TRIM38: variants seen among roughly 807,000 people sequenced by gnomAD.
TRIM38 encodes the protein E3 ubiquitin-protein ligase TRIM38.
In TRIM38, 35 loss-of-function variants were observed where a neutral mutation model predicts 35.8. The observed-to-expected ratio is 0.98, with a 90% confidence interval of 0.75 to 1.30. TRIM38 has a LOEUF of 1.30. TRIM38 is among the 50% of genes most tolerant of loss of function. TRIM38 has a pLI of 0.00. For synonymous variants in TRIM38, 198 were observed against 204.7 expected (o/e 0.97, Z 0.28); for missense variants, 545 against 556.9 (o/e 0.98, Z 0.21).
intron 7 of TRIM38, chr6:25,973,612 A>G (rs1760305482): frequency 1.0e-6 from 1 of 979,570 alleles, no homozygotes; most frequent in Non-Finnish European, 1.2e-6. Context: ...TAAATGCATC[A>G]ACATGTACAA....
rs1561906506 is a variant in TRIM38, at chr6:25,988,480, C to CTTTTTT, written c.*4794_*4799dup. 1.4e-5 allele frequency: 1 copy of CTTTTTT among 73,856 alleles called. No homozygotes were observed. The highest frequency in any genetic ancestry group is 5.6e-5 in the African/African-American group (1 of 17,832). The allele number at this position is 73,856 out of a possible 1,614,324, so 4.6% of individuals were successfully genotyped here. A position where few individuals can be genotyped will look rare whatever the true frequency, so the allele number is the denominator to read the frequency against. ...GATCGTTTCTTTTCTTTTTCTTTTT[C>CTTTTTT]TTTTTTCTTTTCTTTCTTTTTTTTT... On this transcript the variant is annotated 3_prime_UTR_variant, in exon 8 of 8. Coordinates refer to ENST00000357085, the MANE Select transcript of TRIM38 (RefSeq NM_006355.5).
intron 2 of TRIM38, among the ~76,000 whole-genome samples, chr6:25,964,904 G>A (rs1356368297): frequency 4.0e-5 from 6 of 151,170 alleles, no homozygotes; most frequent in Admixed American, 1.3e-4. Context: ...CTCCCCCTCC[G>A]GAGCTCAAGT....
Position 25,966,419 on chromosome 6 carries a change from C to A in TRIM38, c.-104C>A. 8.2e-7 allele frequency: 1 copy of A among 1,226,292 alleles called. No individual in the cohort carries two copies. Among genetic ancestry groups the A allele is most frequent in the Non-Finnish European group, 1.1e-6 (1 of 905,974 alleles). 76.0% of individuals were successfully genotyped at this position (1,226,292 alleles called of 1,614,324 possible). ...CTATGGAAGTCAGTTGCAGCCAGCT[C>A]ATCACATAGAGGTGCAGGTGAGGTG... On this transcript the variant is annotated 5_prime_UTR_variant, in exon 3 of 8. Transcript: ENST00000357085.
chr6:25,990,333 G>A lies in TRIM38; in HGVS notation c.*6646G>A, dbSNP rs1760805710. 1 of 152,166 alleles carries A rather than the reference G, an allele frequency of 6.6e-6. No homozygotes were observed. Among genetic ancestry groups the A allele is most frequent in the Admixed American group, 6.5e-5 (1 of 15,268 alleles). 9.4% of individuals were successfully genotyped at this position (152,166 alleles called of 1,614,324 possible). On this transcript the variant is annotated 3_prime_UTR_variant, in exon 8 of 8. Coordinates refer to ENST00000357085, the MANE Select transcript of TRIM38 (RefSeq NM_006355.5). ...GTTTGTCCATATGTATATTGACACA[G>A]GGTCTTGCTCTGTTGCCCAGACTGG... is the stretch of plus-strand genomic sequence containing the variant.
At chr6:25,974,673 G>A (rs939112032) in intron 7 of TRIM38, among the ~76,000 whole-genome samples, 1 of 152,200 alleles carries the variant, frequency 6.6e-6, no homozygotes, top group East Asian at 1.9e-4. Flanking sequence ...ATGTTTTGCT[G>A]CAGATATATT....
intron 7 of TRIM38, chr6:25,973,535 A>C: frequency 1.0e-6 from 1 of 982,270 alleles, no homozygotes; most frequent in Non-Finnish European, 1.2e-6. Flanking sequence ...ACTCCAAGTG[A>C]CTTGGTTTCC....
Position 25,984,566 on chromosome 6 carries a change from G to A in TRIM38, c.*879G>A, listed in dbSNP as rs1256796545. On this transcript the variant is annotated 3_prime_UTR_variant, in exon 8 of 8. Coordinates refer to ENST00000357085, the MANE Select transcript of TRIM38 (RefSeq NM_006355.5). ...ATAAAAAGTCACAAAATTGCTAAAT[G>A]TTATAATTTAGAGTTGACATAAAAA... 1 of 152,204 alleles carries A rather than the reference G, an allele frequency of 6.6e-6. No individual in the cohort carries two copies. Among genetic ancestry groups the A allele is most frequent in the Non-Finnish European group, 1.5e-5 (1 of 68,036 alleles). 9.4% of individuals were successfully genotyped at this position (152,204 alleles called of 1,614,324 possible).
intron 7 of TRIM38, among the ~76,000 whole-genome samples, chr6:25,979,117 ATATATG>A (rs1760478736): frequency 6.6e-6 from 1 of 151,972 alleles, no homozygotes; most frequent in Non-Finnish European, 1.5e-5. Context: ...TATACATATT[ATATATG>A]TATATGTTAA....
chr6:25,990,705 A>T lies in TRIM38; in HGVS notation c.*7018A>T, dbSNP rs1760812759. 6.6e-6 allele frequency: 1 copy of T among 151,424 alleles called. No homozygotes were observed. Among genetic ancestry groups the T allele is most frequent in the Admixed American group, 6.6e-5 (1 of 15,232 alleles). The allele number at this position is 151,424 out of a possible 1,614,324, so 9.4% of individuals were successfully genotyped here. Reference sequence around the variant, plus strand: ...AAATGTTAAATAGGTTTTATTAAATAATTAAATAAAAATGAAAATAATCAG... The same window carrying T: ...AAATGTTAAATAGGTTTTATTAAATTATTAAATAAAAATGAAAATAATCAG... On this transcript the variant is annotated 3_prime_UTR_variant, in exon 8 of 8. Coordinates refer to ENST00000357085, the MANE Select transcript of TRIM38 (RefSeq NM_006355.5).
chr6:25,966,423 A>G lies in TRIM38; in HGVS notation c.-100A>G, dbSNP rs530886863. 1 of 1,274,436 alleles carries G rather than the reference A, an allele frequency of 7.8e-7. No individual in the cohort carries two copies. Among genetic ancestry groups the G allele is most frequent in the Non-Finnish European group, 1.1e-6 (1 of 946,800 alleles). The allele number at this position is 1,274,436 out of a possible 1,614,324, so 78.9% of individuals were successfully genotyped here. On this transcript the variant is annotated 5_prime_UTR_variant, in exon 3 of 8. Transcript: ENST00000357085. The stretch of plus-strand genomic sequence containing the variant: ...GGAAGTCAGTTGCAGCCAGCTCATC[A>G]CATAGAGGTGCAGGTGAGGTGTATT...
chr6:25,974,352 C>T (rs909378909), intron 7 of TRIM38, among the ~76,000 whole-genome samples: 4 of 152,172 alleles, frequency 2.6e-5, no homozygotes, highest in Admixed American at 6.5e-5. Flanking sequence ...TCTAACATGG[C>T]CAGTTATTTC....
Position 25,971,901 on chromosome 6 carries a change from G to C in TRIM38, c.540G>C (p.Arg180=). ...EKVQIQRQKI[R]SDFKNLQCFL... is the part of the protein sequence containing the mutation. ...TACAGATTCAGAGACAAAAAATCCG[G>C]TCTGACTTTAAGAATCTCCAGTGTT... Residue 180 remains arginine, a synonymous_variant, in exon 5 of 8, where the codon CGG becomes CGC. Transcript: ENST00000357085. 1 of 1,614,136 alleles carries C rather than the reference G, an allele frequency of 6.2e-7. No homozygotes were observed. The highest frequency in any genetic ancestry group is 8.5e-7 in the Non-Finnish European group (1 of 1,180,000).
chr6:25,964,957 G>A (rs1387631151), intron 2 of TRIM38, among the ~76,000 whole-genome samples: 2 of 151,966 alleles, frequency 1.3e-5, no homozygotes, highest in East Asian at 3.9e-4. Context: ...GATTACAGGT[G>A]TGCACCACCA....
At chr6:25,976,384 C>T (rs1310942088) in intron 7 of TRIM38, among the ~76,000 whole-genome samples, 1 of 152,216 alleles carries the variant, frequency 6.6e-6, no homozygotes, top group African/African-American at 2.4e-5. Context: ...CCTCCCACGT[C>T]AGCTTCCCCA....
chr6:25,986,027 C>G lies in TRIM38; in HGVS notation c.*2340C>G, dbSNP rs773339493. The G allele has an allele frequency of 4.6e-5, 7 of 151,886 alleles. No individual in the cohort carries two copies. The highest frequency in any genetic ancestry group is 1.0e-4 in the Non-Finnish European group (7 of 67,964). The allele number at this position is 151,886 out of a possible 1,614,324, so 9.4% of individuals were successfully genotyped here. On this transcript the variant is annotated 3_prime_UTR_variant, in exon 8 of 8. Coordinates refer to ENST00000357085, the MANE Select transcript of TRIM38 (RefSeq NM_006355.5). ...GGAAAGTTATGGAAAGAATATAAGT[C>G]CTGCTAGATAAATCATTAGCTATTT...
chr6:25,975,514 T>C, intron 7 of TRIM38: 1 of 742,552 alleles, frequency 1.3e-6, no homozygotes, highest in Non-Finnish European at 1.6e-6. Flanking sequence ...ATTACAAAAG[T>C]GATAGGAATA....
chr6:25,974,878 G>A (rs1760344038), intron 7 of TRIM38: 1 of 985,182 alleles, frequency 1.0e-6, no homozygotes, highest in East Asian at 1.1e-4. Context: ...AAACCCAAAA[G>A]CACTCTGTAT....
intron 3 of TRIM38, among the ~76,000 whole-genome samples, chr6:25,967,877 A>G (rs141976448): frequency 1.3e-5 from 2 of 152,126 alleles, no homozygotes; most frequent in African/African-American, 4.8e-5. Flanking sequence ...TAAAATTCAA[A>G]CTATCCGTAT....
At chr6:25,964,541 C>T (rs1299072128) in intron 2 of TRIM38, among the ~76,000 whole-genome samples, 1 of 152,118 alleles carries the variant, frequency 6.6e-6, no homozygotes, top group African/African-American at 2.4e-5. Context: ...CATTCTTAGT[C>T]CTCTTTTCTT....
Sources: gnomAD v4.1 joint callset for allele counts (sites outside exome capture counted in the v4.1 genomes callset) on GRCh38, gnomAD v4.1.1 for gene constraint, MANE v1.5 for transcripts, NCBI Gene and HGNC (gene_info 2026-07-23, HGNC 2026-07-21) for gene names.